Variants in PCDH15 observed in about 807,000 individuals in gnomAD.
The protein encoded by PCDH15 is protocadherin-15.
PCDH15 carries 129 observed loss-of-function variants against 178.5 expected under a neutral mutation model. The observed-to-expected ratio is 0.72, with a 90% CI of 0.63 to 0.84. PCDH15 has a LOEUF of 0.84. Among genes scored for constraint, PCDH15 ranks in the 40% least tolerant of loss-of-function variants. The probability of loss-of-function intolerance (pLI) is 0.00; values close to 1 mark genes in which losing one functional copy is unlikely to be tolerated. For missense variants in PCDH15, 2,230 were observed against 2,099.9 expected (o/e 1.06, Z -1.21); for synonymous variants, 800 against 732.0 (o/e 1.09, Z -1.50).
chr10:54,177,809 CTG>C (rs1239702557), intron 13 of PCDH15, among the ~76,000 whole-genome samples: 1 of 152,008 alleles, frequency 6.6e-6, no homozygotes, highest in African/African-American at 2.4e-5. Flanking sequence ...TTTTGAGTGT[CTG>C]TGTTTGTTTA....
intron 2 of PCDH15, among the ~76,000 whole-genome samples, chr10:55,598,318 A>T (rs1842976408): frequency 1.4e-5 from 2 of 138,520 alleles, no homozygotes; most frequent in South Asian, 4.5e-4. Flanking sequence ...GGGATTAGAA[A>T]CCCCACTATG....
intron 2 of PCDH15, among the ~76,000 whole-genome samples, chr10:55,083,810 C>T (rs943462818): frequency 6.6e-6 from 1 of 151,578 alleles, no homozygotes; most frequent in African/African-American, 2.4e-5. Flanking sequence ...AAAGTAATCC[C>T]ATTTACAATA....
At chr10:53,885,483 G>A (rs1281233084) in intron 26 of PCDH15, among the ~76,000 whole-genome samples, 1 of 152,078 alleles carries the variant, frequency 6.6e-6, no homozygotes, top group Non-Finnish European at 1.5e-5. Flanking sequence ...AGTGTTTCCA[G>A]CTGTGCTGTT....
chr10:54,533,858 G>T (rs2084195687), intron 2 of PCDH15, among the ~76,000 whole-genome samples: 1 of 152,114 alleles, frequency 6.6e-6, no homozygotes, highest in Non-Finnish European at 1.5e-5. Context: ...AGTGTTTTAA[G>T]ATGTTAAAGA....
intron 2 of PCDH15, among the ~76,000 whole-genome samples, chr10:55,510,481 TAA>T (rs34968666): frequency 6.6e-6 from 1 of 151,732 alleles, no homozygotes; most frequent in African/African-American, 2.4e-5. Context: ...CTTTATTGTT[TAA>T]AAAAAAGTTT....
intron 2 of PCDH15, among the ~76,000 whole-genome samples, chr10:55,035,126 A>G (rs1475265792): frequency 6.6e-6 from 1 of 152,200 alleles, no homozygotes; most frequent in Non-Finnish European, 1.5e-5. Context: ...TCTTAATATA[A>G]TGATCAAGGT....
At chr10:54,955,904 A>G (rs1378136996) in intron 2 of PCDH15, among the ~76,000 whole-genome samples, 1 of 151,380 alleles carries the variant, frequency 6.6e-6, no homozygotes, top group Non-Finnish European at 1.5e-5. Context: ...CTAGCCACTT[A>G]CATGCACTAC....
rs1841866384 is a variant in PCDH15 at position 55,545,766 on chromosome 10, T to C, written c.-156+81859A>G. On this transcript the variant is annotated intron_variant, in intron 2 of 5. Transcript: ENST00000613346. ...TCTATCAGAAGAAGTAGAATAAATA[T>C]ACAAGAAATTTAAAAACAATTATTG... Among the ~76,000 whole-genome samples, 2 of 152,300 alleles carry C rather than the reference T, an allele frequency of 1.3e-5. 1 individual carries two copies. The highest frequency in any genetic ancestry group is 4.1e-4 in the South Asian group (2 of 4,828).
intron 2 of PCDH15, among the ~76,000 whole-genome samples, chr10:55,120,224 A>G (rs79288094): frequency 0.039 from 5,929 of 152,244 alleles, 287 homozygotes; most frequent in East Asian, 0.14. Flanking sequence ...TCTTGTGTAT[A>G]TTTATGGGTG....
intron 8 of PCDH15, among the ~76,000 whole-genome samples, chr10:54,299,143 G>C (rs2059985085): frequency 6.6e-6 from 1 of 151,156 alleles, no homozygotes; most frequent in Non-Finnish European, 1.5e-5. Flanking sequence ...CAGCAGAAAG[G>C]AAAGAGAGAA....
rs564425471 is a variant in PCDH15 at position 54,157,603 on chromosome 10, TC to T, written c.1591-4311del. The stretch of plus-strand genomic sequence containing the variant: ...CCTCTGACATGCCCTGGAGATATTT[TC>T]CCCATTGTCTTGGGGATTAACATTC... On this transcript the variant is annotated intron_variant, in intron 13 of 37. Coordinates refer to ENST00000644397, the MANE Select transcript of PCDH15 (RefSeq NM_001384140.1). 7.2e-5 allele frequency among the ~76,000 whole-genome samples: 11 copies of T among 152,308 alleles called. 1 individual carries two copies. The South Asian group carries it at 8.3e-4, about 11-fold the overall frequency.
intron 1 of PCDH15, among the ~76,000 whole-genome samples, chr10:54,777,313 T>C (rs1223084802): frequency 6.6e-6 from 1 of 152,112 alleles, no homozygotes; most frequent in Non-Finnish European, 1.5e-5. Context: ...ACCATAGCCA[T>C]AGTGGTTCTC....
rs569865624 is a variant in PCDH15 at position 54,857,641 on chromosome 10, T to C, written c.-29+39809A>G. 2.7e-5 allele frequency among the ~76,000 whole-genome samples: 4 copies of C among 150,662 alleles called. No individual in the cohort carries two copies. The East Asian group carries it at 7.9e-4, about 30-fold the overall frequency. ...TTTTTTCTTTTTTTTTTTTTAGAGATAGGGTCTTGCTATGTTCCCAGGATA... is the reference window on the plus strand; with the variant it reads ...TTTTTTCTTTTTTTTTTTTTAGAGACAGGGTCTTGCTATGTTCCCAGGATA... On this transcript the variant is annotated intron_variant, in intron 3 of 5. Transcript: ENST00000458638.
intron 3 of PCDH15, among the ~76,000 whole-genome samples, chr10:54,428,361 T>C (rs576595419): frequency 6.6e-6 from 1 of 152,316 alleles, no homozygotes; most frequent in Admixed American, 6.5e-5. Flanking sequence ...TCAAATAAAG[T>C]AAACCATGCC....
chr10:55,436,647 G>C (rs1006861383), intron 2 of PCDH15, among the ~76,000 whole-genome samples: 8 of 151,902 alleles, frequency 5.3e-5, no homozygotes, highest in Non-Finnish European at 7.4e-5. Flanking sequence ...CCATCCTATT[G>C]AGTTATAAGT....
At chr10:54,476,665 C>G (rs1301288379) in intron 3 of PCDH15, among the ~76,000 whole-genome samples, 1 of 151,952 alleles carries the variant, frequency 6.6e-6, no homozygotes, top group African/African-American at 2.4e-5. Context: ...ATTGTTTGTT[C>G]ATAACATGTA....
intron 3 of PCDH15, among the ~76,000 whole-genome samples, chr10:54,438,712 A>G (rs1228964184): frequency 1.3e-5 from 2 of 152,084 alleles, no homozygotes; most frequent in Admixed American, 1.3e-4. Flanking sequence ...CCATTGCAGG[A>G]TGGGTGCAAT....
intron 2 of PCDH15, among the ~76,000 whole-genome samples, chr10:55,593,298 T>C (rs1842878462): frequency 6.6e-6 from 1 of 152,028 alleles, no homozygotes; most frequent in East Asian, 1.9e-4. Flanking sequence ...GGTAATATTT[T>C]CACTAAAATT....
intron 2 of PCDH15, among the ~76,000 whole-genome samples, chr10:54,653,640 G>T (rs2094311858): frequency 6.6e-6 from 1 of 152,108 alleles, no homozygotes; most frequent in South Asian, 2.1e-4. Context: ...ACCTAACCTT[G>T]TGCGATTGGG....
Sources: gnomAD v4.1 joint callset for allele counts (sites outside exome capture counted in the v4.1 genomes callset) on GRCh38, gnomAD v4.1.1 for gene constraint, MANE v1.5 for transcripts, NCBI Gene and HGNC (gene_info 2026-07-23, HGNC 2026-07-21) for gene names.